The following PARD3B variants were observed in gnomAD, a reference collection of about 807,000 sequenced individuals.
PARD3B encodes partitioning defective 3 homolog B.
PARD3B carries 103 observed loss-of-function variants against 130.2 expected under a neutral mutation model. The ratio of observed to expected loss-of-function variants is 0.79; its 90% CI spans 0.67 to 0.93. The LOEUF (loss-of-function observed/expected upper bound fraction) is 0.93. PARD3B is among the 40% of genes least tolerant of loss of function. PARD3B has a pLI of 0.00. For synonymous variants in PARD3B, 583 were observed against 553.2 expected (o/e 1.05, Z -0.76); for missense variants, 1,609 against 1,499.2 (o/e 1.07, Z -1.21).
rs1171973325 is a variant in PARD3B at position 205,244,257 on chromosome 2, A to G, written c.2141-1521A>G. Among the ~76,000 whole-genome samples, 2 of 152,206 alleles carry G rather than the reference A, an allele frequency of 1.3e-5. No individual in the cohort carries two copies. Among genetic ancestry groups the G allele is most frequent in the Admixed American group, 6.5e-5 (1 of 15,282 alleles). ...AAAAAAAGGGACATGTTACTCTGAGATCAATCTAGTGTTAGGCGAAATGGA... is the reference window on the plus strand; with the variant it reads ...AAAAAAAGGGACATGTTACTCTGAGGTCAATCTAGTGTTAGGCGAAATGGA... On this transcript the variant is annotated intron_variant, in intron 15 of 22. Transcript: ENST00000406610. This position sits in a 1 kb window ranked among gnomAD's most constrained non-coding sequence, Gnocchi z 4.7.
rs1418779825 is a variant in PARD3B, at chr2:205,421,353, C to T, written c.2742-19017C>T. ...ACAATGCAGGCACATTGCAATGTCTCCAATATAATTGTTATGTTTAACATT... is the reference window on the plus strand; with the variant it reads ...ACAATGCAGGCACATTGCAATGTCTTCAATATAATTGTTATGTTTAACATT... On this transcript the variant is annotated intron_variant, in intron 19 of 22. Transcript: ENST00000406610. The surrounding 1 kb of genome is among the most constrained non-coding windows in gnomAD (Gnocchi z 5.1). Among the ~76,000 whole-genome samples, 1 of 152,074 alleles carries T rather than the reference C, an allele frequency of 6.6e-6. No individual in the cohort carries two copies. Among genetic ancestry groups the T allele is most frequent in the Non-Finnish European group, 1.5e-5 (1 of 68,024 alleles).
chr2:205,049,613 G>A (rs987736120), intron 4 of PARD3B, among the ~76,000 whole-genome samples: 2 of 152,140 alleles, frequency 1.3e-5, no homozygotes, highest in African/African-American at 4.8e-5. Context: ...TGACATCAAT[G>A]TTACTTTCCC....
chr2:205,112,792 G>T (rs963821438), intron 5 of PARD3B, among the ~76,000 whole-genome samples: 5 of 152,174 alleles, frequency 3.3e-5, no homozygotes, highest in African/African-American at 1.2e-4. Flanking sequence ...TTAATCAGGG[G>T]TAGGTTAGGC....
At chr2:205,370,838 G>A (rs144710747) in intron 18 of PARD3B, among the ~76,000 whole-genome samples, 1 of 152,098 alleles carries the variant, frequency 6.6e-6, no homozygotes, top group Non-Finnish European at 1.5e-5. Flanking sequence ...GGGTGGTAGG[G>A]TGATGTTTGC....
At chr2:205,256,601 T>C (rs1488703039) in intron 16 of PARD3B, among the ~76,000 whole-genome samples, 2 of 152,236 alleles carry the variant, frequency 1.3e-5, no homozygotes, top group Admixed American at 1.3e-4. Context: ...ATTCAGACTA[T>C]ATTTAATGTA....
chr2:204,646,429 G>A (rs2125161282), intron 1 of PARD3B, among the ~76,000 whole-genome samples: 1 of 152,074 alleles, frequency 6.6e-6, no homozygotes, highest in Non-Finnish European at 1.5e-5. Flanking sequence ...TTCAGTGTTT[G>A]TGAGATTCAT....
chr2:204,914,270 C>T (rs2047359703), intron 2 of PARD3B, among the ~76,000 whole-genome samples: 1 of 152,066 alleles, frequency 6.6e-6, no homozygotes. Flanking sequence ...CCATTTTTCT[C>T]ACCCTTCAAT....
intron 18 of PARD3B, among the ~76,000 whole-genome samples, chr2:205,363,059 C>T (rs564004370): frequency 7.9e-5 from 12 of 152,194 alleles, no homozygotes; most frequent in Admixed American, 6.5e-4. Flanking sequence ...ACTTCAGGTT[C>T]CCACAGGCCC....
chr2:204,782,655 G>A lies in PARD3B; in HGVS notation c.222+96373G>A, dbSNP rs973917663. Among the ~76,000 whole-genome samples, 70 of 151,484 alleles carry A rather than the reference G, an allele frequency of 4.6e-4. 1 individual carries two copies. The highest frequency in any genetic ancestry group is 1.5e-3 in the African/African-American group (60 of 41,296). On this transcript the variant is annotated intron_variant, in intron 2 of 22. Coordinates refer to ENST00000406610, the MANE Select transcript of PARD3B (RefSeq NM_001302769.2). ...GAGTATGCCATCCATCCATTTGTAG[G>A]ACATTAAAAACCAGCCATATAAAAA...
chr2:204,944,468 T>C (rs1203953003), intron 2 of PARD3B, among the ~76,000 whole-genome samples: 1 of 152,200 alleles, frequency 6.6e-6, no homozygotes, highest in Non-Finnish European at 1.5e-5. Flanking sequence ...TCCACAGGCA[T>C]GAAAGCTTCT....
rs1201310168 is a variant in PARD3B at position 205,158,790 on chromosome 2, G to C, written c.1503G>C (p.Leu501=). The C allele has an allele frequency of 6.2e-7, 1 of 1,614,182 alleles. No homozygotes were observed. Among genetic ancestry groups the C allele is most frequent in the Admixed American group, 1.7e-5 (1 of 60,024 alleles). The stretch of plus-strand genomic sequence containing the variant: ...AGCAGCTCACCTTTGAGATCCCCCT[G>C]AATGATTCAGGTTCTGCTGGCCTCG... ...TSEQLTFEIP[L]NDSGSAGLGV... is the part of the protein sequence containing the mutation. The change falls in exon 11 of 23, where the codon CTG becomes CTC. Residue 501 remains leucine (L), a synonymous_variant. Coordinates refer to ENST00000406610, the MANE Select transcript of PARD3B (RefSeq NM_001302769.2). The surrounding 1 kb of genome is among the most constrained non-coding windows in gnomAD (Gnocchi z 5.4).
chr2:204,725,403 A>G (rs1024885387), intron 2 of PARD3B, among the ~76,000 whole-genome samples: 3 of 152,182 alleles, frequency 2.0e-5, no homozygotes, highest in South Asian at 4.1e-4. Flanking sequence ...TGTAAAAACT[A>G]TAGCAAACAC....
chr2:204,947,821 A>G (rs186878386), intron 2 of PARD3B, among the ~76,000 whole-genome samples: 17 of 152,318 alleles, frequency 1.1e-4, no homozygotes, highest in Non-Finnish European at 2.9e-5. Flanking sequence ...CATCTTCTAA[A>G]GCAACTTAAT....
At chr2:205,149,705 G>C (rs2033614474) in intron 10 of PARD3B, among the ~76,000 whole-genome samples, 1 of 152,300 alleles carries the variant, frequency 6.6e-6, no homozygotes, top group South Asian at 2.1e-4. Context: ...CATATGAACA[G>C]GCAGCAATGC....
At position 204,907,591 on chromosome 2, in the gene PARD3B, C is replaced by T. The variant is rs754287053; in HGVS notation, c.223-57561C>T. ...GCCAAAGCCTTAGTTTCATGGAATT[C>T]GGAGTTTGATCAGTGTTTGGTCATA... On this transcript the variant is annotated intron_variant, in intron 2 of 22. Coordinates refer to ENST00000406610, the MANE Select transcript of PARD3B (RefSeq NM_001302769.2). The surrounding 1 kb of genome is among the most constrained non-coding windows in gnomAD (Gnocchi z 5.7). Among the ~76,000 whole-genome samples the T allele has an allele frequency of 3.3e-5, 5 of 152,126 alleles. No individual in the cohort carries two copies. The highest frequency in any genetic ancestry group is 2.1e-4 in the South Asian group (1 of 4,812).
intron 15 of PARD3B, among the ~76,000 whole-genome samples, chr2:205,193,921 G>A (rs963780958): frequency 3.3e-5 from 5 of 152,150 alleles, no homozygotes; most frequent in African/African-American, 1.2e-4. Flanking sequence ...ACCTCACTGA[G>A]GTTCTGAGCA....
At chr2:204,746,838 T>C (rs2040251609) in intron 2 of PARD3B, among the ~76,000 whole-genome samples, 1 of 152,208 alleles carries the variant, frequency 6.6e-6, no homozygotes, top group Non-Finnish European at 1.5e-5. Context: ...GTTTTTTTCT[T>C]GTAAATTTGT....
intron 10 of PARD3B, among the ~76,000 whole-genome samples, chr2:205,151,805 G>A (rs901929836): frequency 1.3e-5 from 2 of 152,160 alleles, no homozygotes; most frequent in Non-Finnish European, 2.9e-5. Context: ...CTGTCATTAT[G>A]ATGTTAGCTG....
chr2:204,574,369 A>C (rs115000230), intron 1 of PARD3B, among the ~76,000 whole-genome samples: 2,770 of 152,266 alleles, frequency 0.018, 35 homozygotes, highest in Middle Eastern at 0.075. Flanking sequence ...GTTTGGATAC[A>C]TGTATTTTAT....
Sources: gnomAD v4.1 joint callset for allele counts (sites outside exome capture counted in the v4.1 genomes callset) on GRCh38, gnomAD v4.1.1 for gene constraint, Gnocchi (gnomAD v3.1) non-coding constraint, MANE v1.5 for transcripts, NCBI Gene and HGNC (gene_info 2026-07-23, HGNC 2026-07-21) for gene names.